The following KIAA0825 variants were observed in gnomAD, a reference collection of about 807,000 sequenced individuals.
The protein encoded by KIAA0825 is KIAA0825.
KIAA0825 carries 119 observed loss-of-function variants against 147.6 expected under a neutral mutation model. The ratio of observed to expected loss-of-function variants is 0.81; its 90% CI spans 0.69 to 0.94. The LOEUF (loss-of-function observed/expected upper bound fraction) is 0.94, where lower values mean the gene tolerates loss of function less well. Ranked by LOEUF, KIAA0825 falls within the 40% of genes least tolerant of loss-of-function variation. The pLI is 0.00. For missense variants in KIAA0825, 1,381 were observed against 1,472.7 expected (o/e 0.94, Z 1.02); for synonymous variants, 470 against 518.1 (o/e 0.91, Z 1.26).
chr5:94,275,364 T>C (rs987649210), intron 20 of KIAA0825, among the ~76,000 whole-genome samples: 14 of 152,158 alleles, frequency 9.2e-5, no homozygotes, highest in African/African-American at 3.4e-4. Context: ...CAACTTGCCC[T>C]GATACAATCT....
intron 20 of KIAA0825, among the ~76,000 whole-genome samples, chr5:94,236,136 A>T (rs1482451655): frequency 6.6e-6 from 1 of 152,250 alleles, no homozygotes; most frequent in Non-Finnish European, 1.5e-5. Flanking sequence ...GCTGCCAAAG[A>T]TAGTGATTCC....
chr5:94,306,174 T>C (rs1382567148), intron 20 of KIAA0825, among the ~76,000 whole-genome samples: 6 of 151,832 alleles, frequency 4.0e-5, no homozygotes, highest in Non-Finnish European at 8.8e-5. Flanking sequence ...TGTCGACTCA[T>C]ATTTAGAGAA....
chr5:94,588,719 C>G (rs1351075338), intron 1 of KIAA0825, among the ~76,000 whole-genome samples: 1 of 152,190 alleles, frequency 6.6e-6, no homozygotes, highest in Non-Finnish European at 1.5e-5. Flanking sequence ...AATCATGGTA[C>G]TATAGAGACA....
chr5:94,194,423 A>G (rs1354058049), intron 20 of KIAA0825, among the ~76,000 whole-genome samples: 3 of 152,102 alleles, frequency 2.0e-5, no homozygotes, highest in African/African-American at 7.2e-5. Context: ...TATCACCATG[A>G]GGCCAGTGAC....
At chr5:94,548,029 A>C (rs1774802600) in intron 2 of KIAA0825, among the ~76,000 whole-genome samples, 1 of 152,176 alleles carries the variant, frequency 6.6e-6, no homozygotes, top group Non-Finnish European at 1.5e-5. Flanking sequence ...GGAATTCTTC[A>C]AACTAAAAGA....
intron 20 of KIAA0825, among the ~76,000 whole-genome samples, chr5:94,373,679 T>A (rs988618846): frequency 2.0e-5 from 3 of 152,218 alleles, no homozygotes; most frequent in Non-Finnish European, 4.4e-5. Context: ...TCCCACTGGG[T>A]CCCTCTCATG....
intron 1 of KIAA0825, among the ~76,000 whole-genome samples, chr5:94,591,310 G>A (rs974074508): frequency 6.6e-6 from 1 of 152,210 alleles, no homozygotes; most frequent in African/African-American, 2.4e-5. Flanking sequence ...TTGAAGGTTT[G>A]CTCAAGAAAC....
At chr5:94,296,687 G>A (rs1778153611) in intron 20 of KIAA0825, among the ~76,000 whole-genome samples, 1 of 152,128 alleles carries the variant, frequency 6.6e-6, no homozygotes, top group Non-Finnish European at 1.5e-5. Context: ...CTTCCCGGGT[G>A]AGGGGACATC....
At chr5:94,527,244 T>G (rs1179476865) in intron 3 of KIAA0825, among the ~76,000 whole-genome samples, 1 of 152,176 alleles carries the variant, frequency 6.6e-6, no homozygotes, top group East Asian at 1.9e-4. Context: ...CTGCATTAAA[T>G]AACAATAGCA....
intron 17 of KIAA0825, among the ~76,000 whole-genome samples, chr5:94,394,189 G>T (rs527483927): frequency 5.1e-4 from 77 of 152,186 alleles, no homozygotes; most frequent in Non-Finnish European, 6.9e-4. Flanking sequence ...GTAAGAGATT[G>T]TTATCTAAAG....
At chr5:94,507,701 A>G (rs535366249) in intron 5 of KIAA0825, among the ~76,000 whole-genome samples, 3 of 152,306 alleles carry the variant, frequency 2.0e-5, no homozygotes, top group African/African-American at 7.2e-5. Flanking sequence ...AGAAAAAAAA[A>G]AAAGGAAAAG....
At chr5:94,223,122 A>G (rs1432624419) in intron 20 of KIAA0825, among the ~76,000 whole-genome samples, 1 of 152,170 alleles carries the variant, frequency 6.6e-6, no homozygotes, top group Admixed American at 6.5e-5. Context: ...TCTTCCAAAA[A>G]ATTACATTTT....
intron 13 of KIAA0825, among the ~76,000 whole-genome samples, chr5:94,447,712 T>C (rs1267970960): frequency 6.6e-6 from 1 of 152,118 alleles, no homozygotes; most frequent in African/African-American, 2.4e-5. Flanking sequence ...GTAATATGAA[T>C]ATAATGAAAC....
chr5:94,184,712 CAT>C (rs1259804265), intron 20 of KIAA0825, among the ~76,000 whole-genome samples: 1 of 152,122 alleles, frequency 6.6e-6, no homozygotes, highest in Admixed American at 6.6e-5. Context: ...TATATATACA[CAT>C]ATACACACAC....
intron 1 of KIAA0825, among the ~76,000 whole-genome samples, chr5:94,595,837 T>C (rs1584998214): frequency 6.6e-6 from 1 of 152,128 alleles, no homozygotes; most frequent in African/African-American, 2.4e-5. Flanking sequence ...TTCCACTAGA[T>C]GGTCTAAATC....
chr5:94,326,810 A>G (rs529711900), intron 20 of KIAA0825, among the ~76,000 whole-genome samples: 1 of 152,332 alleles, frequency 6.6e-6, no homozygotes, highest in African/African-American at 2.4e-5. Context: ...TTCCAGTCCA[A>G]AAGGCTTTGA....
At chr5:94,403,945 C>T (rs953363507) in intron 15 of KIAA0825, among the ~76,000 whole-genome samples, 152 bp from the exon 16 acceptor site, 10 of 151,820 alleles carry the variant, frequency 6.6e-5, no homozygotes, top group African/African-American at 2.2e-4. Context: ...GATAACCACC[C>T]CATAAAACAT....
At chr5:94,464,315 C>G (rs961053956) in intron 11 of KIAA0825, among the ~76,000 whole-genome samples, 5 of 152,046 alleles carry the variant, frequency 3.3e-5, no homozygotes, top group African/African-American at 1.2e-4. Context: ...GACTGCTGCT[C>G]CTCATTTTCT....
chr5:94,304,403 C>T (rs1341618801), intron 20 of KIAA0825, among the ~76,000 whole-genome samples: 4 of 151,990 alleles, frequency 2.6e-5, no homozygotes, highest in Admixed American at 6.6e-5. Context: ...GGGAATAATA[C>T]GGCAGGTGAG....
Sources: gnomAD v4.1 joint callset for allele counts (sites outside exome capture counted in the v4.1 genomes callset) on GRCh38, gnomAD v4.1.1 for gene constraint, MANE v1.5 for transcripts, NCBI Gene and HGNC (gene_info 2026-07-23, HGNC 2026-07-21) for gene names.